Variants in ZNF653 observed in about 807,000 individuals in gnomAD.
ZNF653 encodes the protein 67 kDa zinc finger protein.
ZNF653 carries 37 observed loss-of-function variants against 59.9 expected under a neutral mutation model. The observed-to-expected ratio is 0.62, with a 90% CI of 0.48 to 0.81. The LOEUF is 0.81. ZNF653 is among the 40% of genes least tolerant of loss of function. The pLI, the probability that ZNF653 is intolerant of heterozygous loss-of-function variation, is 0.00. For missense variants in ZNF653, 808 were observed against 881.1 expected (o/e 0.92, Z 1.05); for synonymous variants, 435 against 371.8 (o/e 1.17, Z -1.96).
At chr19:11,484,891 A>G (rs1048486287) in intron 7 of ZNF653, among the ~76,000 whole-genome samples, 10 of 148,006 alleles carry the variant, frequency 6.8e-5, no homozygotes, top group Non-Finnish European at 1.4e-4. Context: ...GTCCCTACTA[A>G]AAAAAAAAAA....
rs1018764108 is a variant in ZNF653, at chr19:11,495,221, C to T, written c.559+729G>A. The stretch of plus-strand genomic sequence containing the variant: ...GAGGCTGCCGGCAGCCCCCTCACCA[C>T]TCACCGGGGCCAACTGAGCCTCCCT... On this transcript the variant is annotated intron_variant, in intron 3 of 8. Coordinates refer to ENST00000293771, the MANE Select transcript of ZNF653 (RefSeq NM_138783.4). The surrounding 1 kb of genome is among the most constrained non-coding windows in gnomAD (Gnocchi z 4.9). Among the ~76,000 whole-genome samples, 2 of 152,142 alleles carry T rather than the reference C, an allele frequency of 1.3e-5. No individual in the cohort carries two copies. The highest frequency in any genetic ancestry group is 2.9e-5 in the Non-Finnish European group (2 of 68,012).
At position 11,483,528 on chromosome 19, in the gene ZNF653, G is replaced by T; in HGVS notation, c.*154C>A. 7.1e-7 allele frequency: 1 copy of T among 1,403,628 alleles called. No homozygotes were observed. The highest frequency in any genetic ancestry group is 1.6e-5 in the South Asian group (1 of 63,754). 86.9% of individuals were successfully genotyped at this position (1,403,628 alleles called of 1,614,324 possible). On this transcript the variant is annotated 3_prime_UTR_variant, in exon 9 of 9. Coordinates refer to ENST00000293771, the MANE Select transcript of ZNF653 (RefSeq NM_138783.4). ...AGAAGGATGCGGTGGGGCGGGGTGG[G>T]GAACCTGCCCAGGGGGCCCAGCTCT...
In ZNF653 at chr19:11,495,585, G is replaced by C; in HGVS notation, c.559+365C>G. 1 of 333,238 alleles carries C rather than the reference G, an allele frequency of 3.0e-6. No individual in the cohort carries two copies. Among genetic ancestry groups the C allele is most frequent in the Non-Finnish European group, 5.8e-6 (1 of 173,112 alleles). 20.6% of individuals were successfully genotyped at this position (333,238 alleles called of 1,614,324 possible). A position where few individuals can be genotyped will look rare whatever the true frequency, so the allele number is the denominator to read the frequency against. ...CACAGCCTATGAAGCCATAAGGCCTGGGTGGTTTAGGCGGCCGTTTCGCTG... is the reference window on the plus strand; with the variant it reads ...CACAGCCTATGAAGCCATAAGGCCTCGGTGGTTTAGGCGGCCGTTTCGCTG... On this transcript the variant is annotated intron_variant, in intron 3 of 8. Coordinates refer to ENST00000293771, the MANE Select transcript of ZNF653 (RefSeq NM_138783.4). The surrounding 1 kb of genome is among the most constrained non-coding windows in gnomAD (Gnocchi z 4.9).
At chr19:11,498,224 T>G (rs1030962124) in intron 2 of ZNF653, 72 bp downstream of exon 2, 2 of 1,608,388 alleles carry the variant, frequency 1.2e-6, no homozygotes, top group African/African-American at 2.7e-5. Context: ...ACCTGGCCTC[T>G]CTGGGCCTCC....
In ZNF653 at chr19:11,505,815, CGTT is replaced by C; in HGVS notation, c.-32_-30del. 4 of 1,359,068 alleles carry C rather than the reference CGTT, an allele frequency of 2.9e-6. No individual in the cohort carries two copies. The highest frequency in any genetic ancestry group is 3.8e-6 in the Non-Finnish European group (4 of 1,056,056). 84.2% of individuals were successfully genotyped at this position (1,359,068 alleles called of 1,614,324 possible). A position where few individuals can be genotyped will look rare whatever the true frequency, so the allele number is the denominator to read the frequency against. ...CCCCACCCTGGTTACCAGCCTCCCC[CGTT>C]GTTAGGAGCCAGACCGGAAGTGGCG... On this transcript the variant is annotated 5_prime_UTR_variant, in exon 1 of 9. Coordinates refer to ENST00000293771, the MANE Select transcript of ZNF653 (RefSeq NM_138783.4).
chr19:11,485,073 C>A (rs775859450), intron 7 of ZNF653, among the ~76,000 whole-genome samples: 34 of 150,270 alleles, frequency 2.3e-4, no homozygotes, highest in Non-Finnish European at 3.1e-4. Flanking sequence ...TAAAAAAAAC[C>A]AAAAAAAACA....
At position 11,497,792 on chromosome 19, in the gene ZNF653, C is replaced by T. The variant is rs150867966; in HGVS notation, c.343+504G>A. Among the ~76,000 whole-genome samples the T allele has an allele frequency of 1.3e-3, 199 of 152,296 alleles. 2 individuals are homozygous for T. The highest frequency in any genetic ancestry group is 4.5e-3 in the African/African-American group (186 of 41,572). On this transcript the variant is annotated intron_variant, in intron 2 of 8. Transcript: ENST00000293771. ...GGCCCAGCCCTTTCCCTCCTCAATG[C>T]GCTCCTCATCCCTTGAGGATTCAGG...
chr19:11,484,363 A>G (rs1050294891), intron 7 of ZNF653, among the ~76,000 whole-genome samples: 8 of 152,056 alleles, frequency 5.3e-5, no homozygotes, highest in Non-Finnish European at 5.9e-5. Context: ...TAGGGTGCAC[A>G]CTACCAAGCC....
Position 11,484,042 on chromosome 19 carries a change from T to C in ZNF653, c.1670A>G (p.Gln557Arg). ...RRTHTGETPL[Q>R]CEICGYQCRQ... ...CGGCACGGGGCGGCCTGTCACTCAC[T>C]GCAGGGGGGTCTCGCCGGTGTGGGT... Residue 557 changes from glutamine to arginine, a missense_variant and splice_region_variant, in exon 8 of 9, where the codon CAG (glutamine) becomes CGG (arginine). By Grantham distance (43) the Gln-to-Arg change is conservative. Transcript: ENST00000293771. 1 of 1,555,080 alleles carries C rather than the reference T, an allele frequency of 6.4e-7. No individual in the cohort carries two copies. Among genetic ancestry groups the C allele is most frequent in the Non-Finnish European group, 8.7e-7 (1 of 1,149,258 alleles).
rs1971473721 is a variant in ZNF653, at chr19:11,486,979, G to A, written c.1343+8C>T. 1 of 1,613,374 alleles carries A rather than the reference G, an allele frequency of 6.2e-7. No individual in the cohort carries two copies. Among genetic ancestry groups the A allele is most frequent in the Non-Finnish European group, 8.5e-7 (1 of 1,179,584 alleles). On this transcript the variant is annotated splice_region_variant and intron_variant, in intron 5 of 8. Transcript: ENST00000293771. ...CTCGCCCTCACCCTTGCCCGCCCCGGCACCCACTTCTCAGGCTCCTTGGGG... is the reference window on the plus strand; with the variant it reads ...CTCGCCCTCACCCTTGCCCGCCCCGACACCCACTTCTCAGGCTCCTTGGGG...
intron 1 of ZNF653, among the ~76,000 whole-genome samples, chr19:11,499,767 C>G (rs561878119): frequency 1.3e-5 from 2 of 151,802 alleles, no homozygotes; most frequent in South Asian, 4.2e-4. Flanking sequence ...CAGAAATTAC[C>G]CAGGCGGGGT....
chr19:11,494,639 G>A (rs1000341825), intron 3 of ZNF653, among the ~76,000 whole-genome samples: 4 of 152,206 alleles, frequency 2.6e-5, no homozygotes, highest in Non-Finnish European at 4.4e-5. Context: ...AGTGAGCCGA[G>A]ATCGCGCCAT....
intron 1 of ZNF653, chr19:11,504,536 T>G (rs1199829614): frequency 2.0e-6 from 2 of 985,332 alleles, no homozygotes; most frequent in Non-Finnish European, 2.4e-6. Context: ...GTCCTGCTCT[T>G]GAGCATATAA....
At chr19:11,496,799 G>A (rs1394289976) in intron 2 of ZNF653, among the ~76,000 whole-genome samples, 1 of 152,176 alleles carries the variant, frequency 6.6e-6, no homozygotes, top group Admixed American at 6.5e-5. Flanking sequence ...CCTGGGAGGT[G>A]GAGGATGCAG....
chr19:11,487,075 C>A lies in ZNF653; in HGVS notation c.1255G>T (p.Ala419Ser). The change falls in exon 5 of 9, where the codon GCA becomes TCA. Residue 419 changes from alanine to serine, a missense_variant. By Grantham distance (99) the Ala-to-Ser change is moderately conservative. Transcript: ENST00000293771. The surrounding 1 kb of genome is among the most constrained non-coding windows in gnomAD (Gnocchi z 5.1). ...PELATTVPES[A>S]EPEAEADGEE... Reference sequence around the variant, plus strand: ...CCGTCCGCCTCTGCCTCAGGCTCTGCGCTCTCAGGCACCGTTGTTGCCAGC... The same window carrying A: ...CCGTCCGCCTCTGCCTCAGGCTCTGAGCTCTCAGGCACCGTTGTTGCCAGC... 1 of 1,614,066 alleles carries A rather than the reference C, an allele frequency of 6.2e-7. No individual in the cohort carries two copies. Among genetic ancestry groups the A allele is most frequent in the Non-Finnish European group, 8.5e-7 (1 of 1,180,024 alleles).
At position 11,487,215 on chromosome 19, in the gene ZNF653, C is replaced by G; in HGVS notation, c.1172-57G>C. The G allele has an allele frequency of 6.2e-7, 1 of 1,601,264 alleles. No individual in the cohort carries two copies. The highest frequency in any genetic ancestry group is 8.5e-7 in the Non-Finnish European group (1 of 1,173,800). The stretch of plus-strand genomic sequence containing the variant: ...GGGACGAAGGCTGCCGAGGTGCCCA[C>G]TTCGAGGGCCATTCCTCGCCCGGCC... On this transcript the variant is annotated intron_variant, in intron 4 of 8. Transcript: ENST00000293771. The surrounding 1 kb of genome is among the most constrained non-coding windows in gnomAD (Gnocchi z 5.1).
rs919824035 is a variant in ZNF653 at position 11,487,335 on chromosome 19, G to A, written c.1128C>T (p.Ser376=). ...TQTEPEGSQP[S]TMDATAVAGI... is the part of the protein sequence containing the mutation. ...CTGCTACTGCGGTGGCGTCCATGGT[G>A]CTAGGCTGGCTACCCTCGGGCTCTG... The change falls in exon 4 of 9, where the codon AGC becomes AGT. Residue 376 remains serine, a synonymous_variant. Transcript: ENST00000293771. The surrounding 1 kb of genome is among the most constrained non-coding windows in gnomAD (Gnocchi z 5.1). 6.2e-7 allele frequency: 1 copy of A among 1,613,664 alleles called. No individual in the cohort carries two copies. The highest frequency in any genetic ancestry group is 1.7e-5 in the Admixed American group (1 of 60,020).
intron 3 of ZNF653, among the ~76,000 whole-genome samples, chr19:11,494,454 G>A (rs1971563652): frequency 6.6e-6 from 1 of 152,196 alleles, no homozygotes; most frequent in Non-Finnish European, 1.5e-5. Context: ...ACTTTGGAAG[G>A]CCGAGGTGGG....
rs1413534134 is a variant in ZNF653, at chr19:11,505,763, G to C, written c.24C>G (p.Pro8=). Reference sequence around the variant, plus strand: ...CCGCCTCAGCCTCCGCCTCCGCCTCGGGCTCTAGCGCCCGCTCCGCCATCC... The same window carrying C: ...CCGCCTCAGCCTCCGCCTCCGCCTCCGGCTCTAGCGCCCGCTCCGCCATCC... MAERALE[P]EAEAEAEAGA... The change falls in exon 1 of 9, where the codon CCC becomes CCG. Residue 8 remains proline, a synonymous_variant. Transcript: ENST00000293771. 5.0e-6 allele frequency: 7 copies of C among 1,391,086 alleles called. No individual in the cohort carries two copies. In the African/African-American group the frequency reaches 1.1e-4, roughly 22 times the overall value. 86.2% of individuals were successfully genotyped at this position (1,391,086 alleles called of 1,614,324 possible).
Sources: gnomAD v4.1 joint callset for allele counts (sites outside exome capture counted in the v4.1 genomes callset) on GRCh38, gnomAD v4.1.1 for gene constraint, Gnocchi (gnomAD v3.1) non-coding constraint, MANE v1.5 for transcripts, NCBI Gene and HGNC (gene_info 2026-07-23, HGNC 2026-07-21) for gene names.